Variants in ERICH6B observed in about 807,000 individuals in gnomAD.
ERICH6B encodes the protein glutamate rich 6B, also known as glutamate-rich protein 6B.
Under a neutral mutation model 80.0 loss-of-function variants are expected in ERICH6B, and 69 were observed. The ratio of observed to expected loss-of-function variants is 0.86; its 90% confidence interval spans 0.71 to 1.05. The LOEUF (loss-of-function observed/expected upper bound fraction) is 1.05, where lower values mean the gene tolerates loss of function less well. Ranked by LOEUF, ERICH6B falls within the 50% of genes least tolerant of loss-of-function variation. ERICH6B has a pLI of 0.00. For synonymous variants in ERICH6B, 283 were observed against 291.9 expected (o/e 0.97, Z 0.31); for missense variants, 754 against 796.1 (o/e 0.95, Z 0.64).
intron 11 of ERICH6B, among the ~76,000 whole-genome samples, chr13:45,557,633 T>C (rs1183733632): frequency 1.3e-5 from 2 of 152,260 alleles, no homozygotes; most frequent in African/African-American, 4.8e-5. Flanking sequence ...GGATCCAGTT[T>C]CATTCTCCTA....
At chr13:45,610,801 C>T (rs1333247040) in intron 1 of ERICH6B, among the ~76,000 whole-genome samples, 2 of 151,578 alleles carry the variant, frequency 1.3e-5, no homozygotes, top group Non-Finnish European at 2.9e-5. Flanking sequence ...GTTGTATACA[C>T]GGTCTGTCAA....
chr13:45,596,597 C>T lies in ERICH6B; in HGVS notation c.409G>A (p.Glu137Lys). ...TACCCTTCCTTCCCCAGATACTCTT[C>T]CTCCTCCAGATGCTCTTCCTTCCCC... ...YLGKEEHLEE[E>K]EYLGKEGYLE... Residue 137 changes from glutamate to lysine, a missense_variant, in exon 3 of 15, where the codon GAA (glutamate) becomes AAA (lysine). Coordinates refer to ENST00000298738, the MANE Select transcript of ERICH6B (RefSeq NM_182542.3). The T allele has an allele frequency of 2.1e-6, 1 of 465,538 alleles. No homozygotes were observed. Among genetic ancestry groups the T allele is most frequent in the Non-Finnish European group, 3.5e-6 (1 of 283,140 alleles). 28.8% of individuals were successfully genotyped at this position (465,538 alleles called of 1,614,324 possible). A position where few individuals can be genotyped will look rare whatever the true frequency, so the allele number is the denominator to read the frequency against.
intron 11 of ERICH6B, chr13:45,551,614 T>C (rs1874226228): frequency 6.6e-6 from 1 of 152,200 alleles, no homozygotes; most frequent in Non-Finnish European, 1.5e-5. Context: ...TTTTAAAATA[T>C]GTGTTTAAAG....
At chr13:45,615,048 G>T (rs1949920065) in intron 1 of ERICH6B, among the ~76,000 whole-genome samples, 1 of 152,136 alleles carries the variant, frequency 6.6e-6, no homozygotes, top group South Asian at 2.1e-4. Context: ...ATAGAATTTC[G>T]AATATATTCA....
rs769873677 is a variant in ERICH6B, at chr13:45,582,085, C to CGT, written c.857-1422_857-1421dup. On this transcript the variant is annotated intron_variant, in intron 5 of 14. Coordinates refer to ENST00000298738, the MANE Select transcript of ERICH6B (RefSeq NM_182542.3). Reference sequence around the variant, plus strand: ...TTAAAGTCAGTTTTTACATCTCAGTCGTGTGTCTTTCAGACTTAACATCCT... The same window carrying CGT: ...TTAAAGTCAGTTTTTACATCTCAGTCGTGTGTGTCTTTCAGACTTAACATCCT... Among the ~76,000 whole-genome samples, 194 of 152,310 alleles carry CGT rather than the reference C, an allele frequency of 1.3e-3. 1 individual carries two copies. Among genetic ancestry groups the CGT allele is most frequent in the Non-Finnish European group, 2.3e-3 (159 of 68,032 alleles).
At chr13:45,545,984 ATAAC>A (rs905397857) in intron 13 of ERICH6B, among the ~76,000 whole-genome samples, 11 of 152,230 alleles carry the variant, frequency 7.2e-5, no homozygotes, top group African/African-American at 2.7e-4. Flanking sequence ...TTTATAGACT[ATAAC>A]TACCATGAAT....
chr13:45,564,381 C>T lies in ERICH6B; in HGVS notation c.1188-593G>A, dbSNP rs559141710. The stretch of plus-strand genomic sequence containing the variant: ...TTCCAAATAAGTGTGCTCTCCAGGG[C>T]AGCTGTGTTTTCTAGTTCTCAGATC... On this transcript the variant is annotated intron_variant, in intron 9 of 14. Coordinates refer to ENST00000298738, the MANE Select transcript of ERICH6B (RefSeq NM_182542.3). Among the ~76,000 whole-genome samples the T allele has an allele frequency of 1.2e-4, 18 of 152,326 alleles. No individual in the cohort carries two copies. In the South Asian group the frequency reaches 3.5e-3, roughly 30 times the overall value.
chr13:45,599,086 C>T (rs1165543937), intron 2 of ERICH6B, among the ~76,000 whole-genome samples: 1 of 152,210 alleles, frequency 6.6e-6, no homozygotes, highest in African/African-American at 2.4e-5. Context: ...AGTTGCATCT[C>T]AGCAGTTTGC....
chr13:45,579,530 T>C (rs1174440232), intron 7 of ERICH6B, among the ~76,000 whole-genome samples: 2 of 152,286 alleles, frequency 1.3e-5, no homozygotes, highest in African/African-American at 2.4e-5. Context: ...AATAAACACT[T>C]ACTGCACCAT....
chr13:45,614,539 C>G (rs1949917123), intron 1 of ERICH6B, among the ~76,000 whole-genome samples: 2 of 152,186 alleles, frequency 1.3e-5, no homozygotes, highest in African/African-American at 4.8e-5. Flanking sequence ...CACTTTCCCT[C>G]CTGCTATGGG....
chr13:45,583,837 T>C (rs1200916314), intron 5 of ERICH6B, among the ~76,000 whole-genome samples: 2 of 152,192 alleles, frequency 1.3e-5, no homozygotes. Flanking sequence ...TGTGAGTCCA[T>C]TAAACATCTT....
intron 7 of ERICH6B, among the ~76,000 whole-genome samples, chr13:45,577,805 C>T (rs1379316731): frequency 6.6e-6 from 1 of 152,098 alleles, no homozygotes; most frequent in Non-Finnish European, 1.5e-5. Context: ...GTTGCCCAGG[C>T]TAGTCTCAAA....
chr13:45,543,921 T>C (rs1873887247), intron 14 of ERICH6B, among the ~76,000 whole-genome samples: 2 of 152,152 alleles, frequency 1.3e-5, no homozygotes, highest in South Asian at 2.1e-4. Context: ...ACACGGCCAC[T>C]GTGAGTGTCA....
chr13:45,574,787 C>T (rs1203266455), intron 8 of ERICH6B, 55 bp downstream of exon 8: 2 of 1,393,712 alleles, frequency 1.4e-6, no homozygotes, highest in Non-Finnish European at 2.0e-6. Flanking sequence ...AGGCTTGGGC[C>T]ACCCTACATT....
rs1294492111 is a variant in ERICH6B at position 45,597,006 on chromosome 13, G to T, written c.-1C>A. ...ATAACTGATTATTTTCAGCAGACATGCTGGGGAAGTCGTAGGTGGTGAACT... is the reference window on the plus strand; with the variant it reads ...ATAACTGATTATTTTCAGCAGACATTCTGGGGAAGTCGTAGGTGGTGAACT... On this transcript the variant is annotated 5_prime_UTR_variant, in exon 3 of 15. Coordinates refer to ENST00000298738, the MANE Select transcript of ERICH6B (RefSeq NM_182542.3). The T allele has an allele frequency of 6.5e-7, 1 of 1,539,106 alleles. No homozygotes were observed. Among genetic ancestry groups the T allele is most frequent in the Non-Finnish European group, 8.8e-7 (1 of 1,139,226 alleles).
Position 45,544,942 on chromosome 13 carries a change from T to C in ERICH6B, c.1690A>G (p.Lys564Glu). 2.6e-6 allele frequency: 4 copies of C among 1,551,530 alleles called. No homozygotes were observed. ...SNLGYYFPKDKRQKAWNWWNL... is the reference protein window; with the variant it reads ...SNLGYYFPKDERQKAWNWWNL... ...CACCAGTTCCAGGCCTTCTGGCGTT[T>C]GTCTTTGGGGAAGTAGTAGCCCAGG... The change falls in exon 14 of 15, where the codon AAA (lysine) becomes GAA (glutamate). Residue 564 changes from lysine (K) to glutamate (E), a missense_variant. Transcript: ENST00000298738.
chr13:45,599,727 C>T (rs187103537), intron 2 of ERICH6B, among the ~76,000 whole-genome samples: 22 of 152,238 alleles, frequency 1.4e-4, no homozygotes, highest in African/African-American at 4.3e-4. Flanking sequence ...ATGAGTGACT[C>T]CATTCTGATT....
chr13:45,568,116 C>A (rs759120622), intron 9 of ERICH6B, among the ~76,000 whole-genome samples, 199 bp downstream of exon 9: 9 of 152,216 alleles, frequency 5.9e-5, no homozygotes, highest in Non-Finnish European at 8.8e-5. Context: ...TTTGGTCTGG[C>A]AGCTGGATCA....
In ERICH6B at chr13:45,548,732, A is replaced by G. The variant is rs1874089874; in HGVS notation, c.1646+1161T>C. The stretch of plus-strand genomic sequence containing the variant: ...AGATCCTCTCTGAGGTAATTAACTG[A>G]ATTTCTTGCCCCACTCCTTTGTGCT... On this transcript the variant is annotated intron_variant, in intron 13 of 14. Coordinates refer to ENST00000298738, the MANE Select transcript of ERICH6B (RefSeq NM_182542.3). Among the ~76,000 whole-genome samples the G allele has an allele frequency of 2.0e-5, 3 of 152,150 alleles. No homozygotes were observed. In the South Asian group the frequency reaches 6.2e-4, roughly 32 times the overall value.
Sources: gnomAD v4.1 joint callset for allele counts (sites outside exome capture counted in the v4.1 genomes callset) on GRCh38, gnomAD v4.1.1 for gene constraint, MANE v1.5 for transcripts, NCBI Gene and HGNC (gene_info 2026-07-23, HGNC 2026-07-21) for gene names.